CSMD1: variants seen among roughly 807,000 people sequenced by gnomAD.
CSMD1 encodes the protein CUB and Sushi multiple domains 1.
Under a neutral mutation model 417.5 loss-of-function variants are expected in CSMD1, and 213 were observed. That is an observed-to-expected ratio of 0.51 (90% CI 0.46 to 0.57). The LOEUF is 0.57. CSMD1 is among the 20% of genes least tolerant of loss of function. The pLI, the probability that CSMD1 is intolerant of heterozygous loss-of-function variation, is 0.00. For synonymous variants in CSMD1, 2,862 were observed against 1,736.8 expected, an observed-to-expected ratio of 1.65 and a Z score of -16.11; for missense variants, 6,923 against 4,529.7, an observed-to-expected ratio of 1.53 and a Z score of -15.17.
chr8:3,098,217 C>T (rs1815468322), intron 46 of CSMD1, among the ~76,000 whole-genome samples: 1 of 152,080 alleles, frequency 6.6e-6, no homozygotes, highest in Non-Finnish European at 1.5e-5. Flanking sequence ...AGTTAATCAC[C>T]TTTTCCTTAA....
chr8:3,599,125 C>CTGTGTGTGTGTGTGTG lies in CSMD1; in HGVS notation c.1098-12881_1098-12866dup, dbSNP rs143211609. Among the ~76,000 whole-genome samples, 973 of 144,392 alleles carry CTGTGTGTGTGTGTGTG rather than the reference C, an allele frequency of 6.7e-3. 17 individuals carry two copies. Among genetic ancestry groups the CTGTGTGTGTGTGTGTG allele is most frequent in the African/African-American group, 0.025 (939 of 38,074 alleles). The allele number at this position is 144,392 out of a possible 152,430, so 94.7% of individuals were successfully genotyped here. ...GACATTGGATTGCAATTGCTTACTGCTGTGTGTGTGTGTGTGTGTGTGTGT... is the reference window on the plus strand; with the variant it reads ...GACATTGGATTGCAATTGCTTACTGCTGTGTGTGTGTGTGTGTGTGTGTGTGTGTGTGTGTGTGTGT... On this transcript the variant is annotated intron_variant, in intron 8 of 69. Coordinates refer to ENST00000635120, the MANE Select transcript of CSMD1 (RefSeq NM_033225.6).
At chr8:4,257,770 C>T (rs1226995758) in intron 3 of CSMD1, among the ~76,000 whole-genome samples, 1 of 152,178 alleles carries the variant, frequency 6.6e-6, no homozygotes, top group Non-Finnish European at 1.5e-5. Context: ...GATAAAACAG[C>T]ATCCGCCTCG....
chr8:4,826,396 G>A (rs1237785233), intron 1 of CSMD1, among the ~76,000 whole-genome samples: 1 of 152,202 alleles, frequency 6.6e-6, no homozygotes, highest in South Asian at 2.1e-4. Flanking sequence ...ATATGCAACA[G>A]CATGGATGAG....
At chr8:3,527,643 C>T (rs192257289) in intron 10 of CSMD1, among the ~76,000 whole-genome samples, 1 of 152,142 alleles carries the variant, frequency 6.6e-6, no homozygotes, top group East Asian at 1.9e-4. Flanking sequence ...AATCTCAAAC[C>T]AGGTCTGCAG....
intron 1 of CSMD1, among the ~76,000 whole-genome samples, chr8:4,828,975 A>G (rs1025586678): frequency 3.9e-5 from 6 of 152,222 alleles, no homozygotes; most frequent in Admixed American, 3.9e-4. Flanking sequence ...TAGTAACCTG[A>G]CACATGATTA....
At chr8:3,598,917 T>G (rs1363938796) in intron 8 of CSMD1, among the ~76,000 whole-genome samples, 1 of 151,812 alleles carries the variant, frequency 6.6e-6, no homozygotes, top group East Asian at 1.9e-4. Flanking sequence ...CCCATCTCTA[T>G]GAAAAATACA....
intron 1 of CSMD1, among the ~76,000 whole-genome samples, chr8:4,685,104 A>G (rs1806289073): frequency 6.6e-6 from 1 of 152,232 alleles, no homozygotes; most frequent in Non-Finnish European, 1.5e-5. Context: ...GCCTTCTATT[A>G]TTATGAAGAT....
intron 26 of CSMD1, among the ~76,000 whole-genome samples, chr8:3,250,691 C>T (rs1800194554): frequency 6.6e-6 from 1 of 152,190 alleles, no homozygotes; most frequent in Admixed American, 6.5e-5. Context: ...TAAAAGTGTT[C>T]CTATTTCTCC....
intron 26 of CSMD1, among the ~76,000 whole-genome samples, chr8:3,249,963 G>C (rs527900259): frequency 4.6e-5 from 7 of 152,284 alleles, no homozygotes; most frequent in African/African-American, 1.7e-4. Context: ...TTGCATGTCA[G>C]GTTAAAAACT....
chr8:3,767,430 T>C (rs969155899), intron 5 of CSMD1, among the ~76,000 whole-genome samples: 19 of 152,324 alleles, frequency 1.2e-4, no homozygotes, highest in African/African-American at 4.3e-4. Flanking sequence ...ATTGTGTGAA[T>C]AACGATATGT....
chr8:3,532,490 C>T (rs1231990699), intron 10 of CSMD1, among the ~76,000 whole-genome samples: 1 of 152,136 alleles, frequency 6.6e-6, no homozygotes, highest in African/African-American at 2.4e-5. Context: ...TTTACCTCTC[C>T]TCCATATCCC....
rs139739326 is a variant in CSMD1 at position 3,418,465 on chromosome 8, A to G, written c.1562-8860T>C. On this transcript the variant is annotated intron_variant, in intron 12 of 69. Coordinates refer to ENST00000635120, the MANE Select transcript of CSMD1 (RefSeq NM_033225.6). ...CACTTACTGGGAAAGCAACAATTTT[A>G]TTCAAGATATTGGTCAGCTATAATC... 7.2e-5 allele frequency among the ~76,000 whole-genome samples: 11 copies of G among 152,274 alleles called. No individual in the cohort carries two copies. The East Asian group carries it at 2.1e-3, about 29-fold the overall frequency.
intron 3 of CSMD1, among the ~76,000 whole-genome samples, chr8:4,193,097 C>T (rs1272915113): frequency 6.6e-6 from 1 of 152,044 alleles, no homozygotes; most frequent in Admixed American, 6.6e-5. Flanking sequence ...TGACATGTGC[C>T]TTAAATTTAC....
At chr8:3,977,739 C>G (rs1267821901) in intron 5 of CSMD1, among the ~76,000 whole-genome samples, 1 of 152,212 alleles carries the variant, frequency 6.6e-6, no homozygotes, top group Non-Finnish European at 1.5e-5. Flanking sequence ...TAATTTTGGT[C>G]TTCACAATTT....
intron 31 of CSMD1, among the ~76,000 whole-genome samples, chr8:3,202,248 A>G (rs562809243): frequency 3.3e-4 from 50 of 152,374 alleles, no homozygotes; most frequent in African/African-American, 1.1e-3. Flanking sequence ...AAATAAGCAA[A>G]GGATCAAACC....
chr8:4,726,480 T>TA lies in CSMD1; in HGVS notation c.86-88923dup, dbSNP rs1809454991. On this transcript the variant is annotated intron_variant, in intron 1 of 69. Coordinates refer to ENST00000635120, the MANE Select transcript of CSMD1 (RefSeq NM_033225.6). ...TCCTTAAGTCTGCTTCACTTTTTTT[T>TA]ACTTCGTTTTTCAAATAAGACCTCA... Among the ~76,000 whole-genome samples the TA allele has an allele frequency of 2.6e-5, 4 of 152,194 alleles. No individual in the cohort carries two copies. In the South Asian group the frequency reaches 8.3e-4, roughly 31 times the overall value.
At chr8:3,777,121 TACACACACACACACAC>T (rs3028584) in intron 5 of CSMD1, among the ~76,000 whole-genome samples, 16 of 146,612 alleles carry the variant, frequency 1.1e-4, no homozygotes, top group African/African-American at 3.3e-4. Context: ...TATCTATACC[TACACACACACACACAC>T]ACACACACAC....
At chr8:4,125,808 C>A (rs1802730792) in intron 3 of CSMD1, among the ~76,000 whole-genome samples, 1 of 152,082 alleles carries the variant, frequency 6.6e-6, no homozygotes, top group Non-Finnish European at 1.5e-5. Flanking sequence ...TTGATAACAG[C>A]CCAAGAAGAC....
intron 20 of CSMD1, among the ~76,000 whole-genome samples, chr8:3,361,800 G>A (rs533253246): frequency 1.4e-4 from 21 of 151,612 alleles, no homozygotes; most frequent in Admixed American, 3.3e-4. Context: ...ACTATATATT[G>A]TAGTTTATAC....
Sources: gnomAD v4.1 joint callset for allele counts (sites outside exome capture counted in the v4.1 genomes callset) on GRCh38, gnomAD v4.1.1 for gene constraint, MANE v1.5 for transcripts, NCBI Gene and HGNC (gene_info 2026-07-23, HGNC 2026-07-21) for gene names.